The following CAMK4 variants were observed in gnomAD, a reference collection of about 807,000 sequenced individuals.
CAMK4 encodes the protein calcium/calmodulin dependent protein kinase IV, also known as calcium/calmodulin-dependent protein kinase type IV.
Under a neutral mutation model 44.9 loss-of-function variants are expected in CAMK4, and 22 were observed. The ratio of observed to expected loss-of-function variants is 0.49; its 90% confidence interval spans 0.35 to 0.70. The LOEUF is 0.70. Among genes scored for constraint, CAMK4 ranks in the 30% least tolerant of loss-of-function variants. The pLI is 0.01. For synonymous variants in CAMK4, 218 were observed against 215.4 expected, an observed-to-expected ratio of 1.01 and a Z score of -0.11; for missense variants, 498 against 586.8, an observed-to-expected ratio of 0.85 and a Z score of 1.56.
intron 5 of CAMK4, among the ~76,000 whole-genome samples, chr5:111,412,515 A>T (rs13165136): frequency 0.01 from 1,599 of 152,358 alleles, 12 homozygotes; most frequent in South Asian, 0.049. Context: ...CAGTCCTCAA[A>T]CCAGTATTTA....
At chr5:111,417,169 T>C (rs867139039) in intron 5 of CAMK4, among the ~76,000 whole-genome samples, 5 of 151,674 alleles carry the variant, frequency 3.3e-5, no homozygotes, top group African/African-American at 1.2e-4. Flanking sequence ...TCAAGCAGTC[T>C]CCCACTTCTG....
chr5:111,367,441 G>A (rs79335926), intron 2 of CAMK4, among the ~76,000 whole-genome samples: 4,582 of 151,986 alleles, frequency 0.03, 93 homozygotes, highest in Middle Eastern at 0.054. Flanking sequence ...ACTTTTGGAG[G>A]ATGCATTCAA....
chr5:111,346,264 C>A (rs1179828551), intron 2 of CAMK4, among the ~76,000 whole-genome samples: 3 of 151,764 alleles, frequency 2.0e-5, no homozygotes, highest in Non-Finnish European at 4.4e-5. Flanking sequence ...GGAAAAAAAA[C>A]AAAAGGGTTC....
chr5:111,248,086 T>C (rs908676681), intron 1 of CAMK4, among the ~76,000 whole-genome samples: 8 of 152,234 alleles, frequency 5.3e-5, no homozygotes, highest in Admixed American at 5.2e-4. Flanking sequence ...GGCTTTACTA[T>C]AATTCGGTTC....
At chr5:111,409,476 C>T (rs1262021528) in intron 5 of CAMK4, among the ~76,000 whole-genome samples, 2 of 152,248 alleles carry the variant, frequency 1.3e-5, no homozygotes, top group Admixed American at 6.5e-5. Flanking sequence ...CCATTTTTCC[C>T]TCCAAGGCCT....
chr5:111,449,006 C>A, intron 6 of CAMK4, 123 bp from the exon 7 acceptor site: 1 of 519,082 alleles, frequency 1.9e-6, no homozygotes, highest in Non-Finnish European at 3.5e-6. Context: ...CCACCTTCAC[C>A]CCATCATCAA....
intron 2 of CAMK4, among the ~76,000 whole-genome samples, chr5:111,350,793 G>A (rs944813410): frequency 5.9e-5 from 9 of 152,104 alleles, no homozygotes; most frequent in African/African-American, 1.9e-4. Context: ...TCTCTTCTCA[G>A]TTAATCAAAG....
intron 7 of CAMK4, among the ~76,000 whole-genome samples, chr5:111,457,687 T>G (rs1349748294): frequency 6.6e-6 from 1 of 152,104 alleles, no homozygotes; most frequent in East Asian, 1.9e-4. Flanking sequence ...ATATGAAAAA[T>G]GTAGGAAAAT....
intron 4 of CAMK4, among the ~76,000 whole-genome samples, chr5:111,386,105 A>T (rs1042263234): frequency 2.3e-4 from 35 of 152,174 alleles, no homozygotes; most frequent in Admixed American, 2.6e-4. Context: ...AAAGTATATG[A>T]ACTTGACATT....
At position 111,391,933 on chromosome 5, in the gene CAMK4, G is replaced by A. The variant is rs560589379; in HGVS notation, c.387-2777G>A. Among the ~76,000 whole-genome samples the A allele has an allele frequency of 4.5e-4, 68 of 152,252 alleles. 1 individual carries two copies. The highest frequency in any genetic ancestry group is 1.6e-3 in the African/African-American group (67 of 41,556). On this transcript the variant is annotated intron_variant, in intron 4 of 10. Transcript: ENST00000282356. Reference sequence around the variant, plus strand: ...TTGAAAATCACATCATGTGTCAGAAGAAAATTGTCACCTACTTAAGATAAT... The same window carrying A: ...TTGAAAATCACATCATGTGTCAGAAAAAAATTGTCACCTACTTAAGATAAT...
At chr5:111,356,393 C>G (rs1403204681) in intron 2 of CAMK4, among the ~76,000 whole-genome samples, 3 of 152,082 alleles carry the variant, frequency 2.0e-5, no homozygotes, top group African/African-American at 7.2e-5. Context: ...ATTGTAGATT[C>G]TGGATATTAG....
chr5:111,281,569 C>A (rs960723450), intron 1 of CAMK4, among the ~76,000 whole-genome samples: 1 of 152,084 alleles, frequency 6.6e-6, no homozygotes, highest in African/African-American at 2.4e-5. Flanking sequence ...CTCTTTACTG[C>A]ATAATCCAGA....
chr5:111,480,288 A>ACACACACACACACACACACC lies in CAMK4; in HGVS notation c.828+1782_828+1783insACACACACACACACACACCC, dbSNP rs1364533152. On this transcript the variant is annotated intron_variant, in intron 9 of 10. Coordinates refer to ENST00000282356, the MANE Select transcript of CAMK4 (RefSeq NM_001744.6). ...CACACACACACACACACACACACACACCCCTGGGTAACTCTTATTCTCAAG... is the reference window on the plus strand; with the variant it reads ...CACACACACACACACACACACACACACACACACACACACACACACCCCCCTGGGTAACTCTTATTCTCAAG... Among the ~76,000 whole-genome samples the ACACACACACACACACACACC allele has an allele frequency of 1.2e-4, 17 of 145,106 alleles. 1 individual carries two copies. Among genetic ancestry groups the ACACACACACACACACACACC allele is most frequent in the African/African-American group, 3.9e-4 (15 of 38,780 alleles).
At position 111,482,599 on chromosome 5, in the gene CAMK4, C is replaced by T; in HGVS notation, c.829-186C>T. ...TACATGGCCCTGTCTTCTCATACTCCCTCAGCTACTGCTACCTGAAGCTGT... is the reference window on the plus strand; with the variant it reads ...TACATGGCCCTGTCTTCTCATACTCTCTCAGCTACTGCTACCTGAAGCTGT... On this transcript the variant is annotated intron_variant, in intron 9 of 10. Transcript: ENST00000282356. The surrounding 1 kb of genome is among the most constrained non-coding windows in gnomAD (Gnocchi z 4.9). 2.3e-6 allele frequency: 1 copy of T among 444,406 alleles called. No homozygotes were observed. Among genetic ancestry groups the T allele is most frequent in the South Asian group, 4.7e-5 (1 of 21,096 alleles). The allele number at this position is 444,406 out of a possible 1,614,324, so 27.5% of individuals were successfully genotyped here. A position where few individuals can be genotyped will look rare whatever the true frequency, so the allele number is the denominator to read the frequency against.
chr5:111,433,706 A>G (rs1426649274), intron 5 of CAMK4, among the ~76,000 whole-genome samples: 7 of 152,178 alleles, frequency 4.6e-5, no homozygotes, highest in Admixed American at 4.6e-4. Flanking sequence ...TATTAAGTAC[A>G]TGAAAGATTT....
intron 9 of CAMK4, among the ~76,000 whole-genome samples, chr5:111,480,140 C>T (rs1755382138): frequency 6.6e-6 from 1 of 151,970 alleles, no homozygotes; most frequent in African/African-American, 2.4e-5. Context: ...TCTAGTGCAC[C>T]ACACTTCTAG....
rs566647709 is a variant in CAMK4, at chr5:111,329,669, T to G, written c.162-14355T>G. On this transcript the variant is annotated intron_variant, in intron 1 of 10. Coordinates refer to ENST00000282356, the MANE Select transcript of CAMK4 (RefSeq NM_001744.6). Reference sequence around the variant, plus strand: ...ATTATCCCAAGAATGCAAGGTGAGCTTAACATTAGCTGCTTGATTAGTGGA... The same window carrying G: ...ATTATCCCAAGAATGCAAGGTGAGCGTAACATTAGCTGCTTGATTAGTGGA... Among the ~76,000 whole-genome samples the G allele has an allele frequency of 1.2e-4, 18 of 151,878 alleles. No homozygotes were observed. In the East Asian group the frequency reaches 1.6e-3, roughly 13 times the overall value.
At chr5:111,425,182 A>C (rs1753180738) in intron 5 of CAMK4, among the ~76,000 whole-genome samples, 1 of 144,466 alleles carries the variant, frequency 6.9e-6, no homozygotes, top group Non-Finnish European at 1.5e-5. Context: ...AAAAAAAAAA[A>C]GTTTAACATC....
chr5:111,346,454 T>A (rs1749866930), intron 2 of CAMK4, among the ~76,000 whole-genome samples: 1 of 150,346 alleles, frequency 6.7e-6, no homozygotes, highest in African/African-American at 2.4e-5. Flanking sequence ...ATTTTATGAC[T>A]AGCCCTAAGC....
Sources: allele counts gnomAD v4.1 joint callset (sites outside exome capture counted in the v4.1 genomes callset), GRCh38; gene constraint gnomAD v4.1.1; non-coding constraint Gnocchi (gnomAD v3.1); transcripts MANE v1.5; gene names NCBI Gene and HGNC (gene_info 2026-07-23, HGNC 2026-07-21).